The following CARD10 variants were observed in gnomAD, a reference collection of about 807,000 sequenced individuals.
The protein encoded by CARD10 is caspase recruitment domain-containing protein 10.
A neutral mutation model predicts 114.6 loss-of-function variants in CARD10; 49 were observed. The ratio of observed to expected loss-of-function variants is 0.43; its 90% CI spans 0.34 to 0.54. The LOEUF (loss-of-function observed/expected upper bound fraction) is 0.54. Among genes scored for constraint, CARD10 ranks in the 20% least tolerant of loss-of-function variants. The pLI, the probability that CARD10 is intolerant of heterozygous loss-of-function variation, is 0.03. For synonymous variants in CARD10, 602 were observed against 593.2 expected (o/e 1.01, Z -0.21); for missense variants, 1,206 against 1,397.2 (o/e 0.86, Z 2.18).
Position 37,518,958 on chromosome 22 carries a change from C to G in CARD10, c.235+8G>C. On this transcript the variant is annotated splice_region_variant and intron_variant, in intron 1 of 19. Transcript: ENST00000251973. ...CAGGTCGTGGCCCACTCGGGACCCG[C>G]GGCTCACCGGTGCGGTTGACGCGGC... 1 of 1,521,438 alleles carries G rather than the reference C, an allele frequency of 6.6e-7. No individual in the cohort carries two copies. Among genetic ancestry groups the G allele is most frequent in the Non-Finnish European group, 8.8e-7 (1 of 1,134,988 alleles). 94.2% of individuals were successfully genotyped at this position (1,521,438 alleles called of 1,614,324 possible). A position where few individuals can be genotyped will look rare whatever the true frequency, so the allele number is the denominator to read the frequency against.
chr22:37,493,517 C>G (rs1476865797), intron 16 of CARD10, among the ~76,000 whole-genome samples: 1 of 152,186 alleles, frequency 6.6e-6, no homozygotes, highest in Non-Finnish European at 1.5e-5. Context: ...CAATACTCAC[C>G]TGCTGTCCCC....
intron 3 of CARD10, among the ~76,000 whole-genome samples, chr22:37,511,585 C>CA (rs200309568): frequency 0.014 from 2,111 of 149,954 alleles, 61 homozygotes; most frequent in African/African-American, 0.048. Context: ...GTCTCTAGCT[C>CA]AGTGTGACCC....
At position 37,514,793 on chromosome 22, in the gene CARD10, G is replaced by A. The variant is rs1286159658; in HGVS notation, c.699+1180C>T. 3.3e-5 allele frequency: 5 copies of A among 152,472 alleles called. No homozygotes were observed. The South Asian group carries it at 6.2e-4, about 19-fold the overall frequency. 9.4% of individuals were successfully genotyped at this position (152,472 alleles called of 1,614,324 possible). A position where few individuals can be genotyped will look rare whatever the true frequency, so the allele number is the denominator to read the frequency against. On this transcript the variant is annotated intron_variant, in intron 3 of 19. Transcript: ENST00000251973. ...GGAGAGAGCCTCCTGCGTGCCGTGC[G>A]GCCTGCACTGCTAAGCCCTTGACGT...
At chr22:37,502,339 A>G (rs1205388328) in intron 11 of CARD10, among the ~76,000 whole-genome samples, 1 of 152,204 alleles carries the variant, frequency 6.6e-6, no homozygotes, top group African/African-American at 2.4e-5. Context: ...AGAGCCCTCA[A>G]AAGACCTCCA....
chr22:37,512,464 TCC>T (rs1923690287), intron 3 of CARD10, among the ~76,000 whole-genome samples: 3 of 43,148 alleles, frequency 7.0e-5, no homozygotes, highest in Admixed American at 2.4e-4. Context: ...CAGCCCCCCC[TCC>T]ACACACACAC....
At chr22:37,508,018 G>C (rs751086509) in intron 5 of CARD10, 64 bp from the exon 6 acceptor site, 2 of 1,600,068 alleles carry the variant, frequency 1.2e-6, no homozygotes, top group Non-Finnish European at 1.7e-6. Flanking sequence ...CTAACCAGCA[G>C]GTGCCCAGGA....
At chr22:37,503,105 G>A in intron 10 of CARD10, 80 bp downstream of exon 10, 1 of 1,439,472 alleles carries the variant, frequency 6.9e-7, no homozygotes. Context: ...GGTAGCGCAG[G>A]TGGTGCAGGC....
intron 3 of CARD10, among the ~76,000 whole-genome samples, chr22:37,513,084 T>C (rs75020810): frequency 6.6e-6 from 1 of 152,120 alleles, no homozygotes; most frequent in African/African-American, 2.4e-5. Context: ...GGTAAATTTA[T>C]AGTAGCTAAG....
intron 8 of CARD10, 90 bp downstream of exon 8, chr22:37,504,545 G>A (rs1327252297): frequency 6.9e-7 from 1 of 1,454,936 alleles, no homozygotes; most frequent in South Asian, 1.6e-5. Flanking sequence ...GTCCTCACCT[G>A]TGAAATGGAT....
chr22:37,508,946 T>C (rs1317319621), intron 4 of CARD10: 2 of 1,515,954 alleles, frequency 1.3e-6, no homozygotes, highest in Admixed American at 2.0e-5. Flanking sequence ...ACTGGACAAG[T>C]TCACCCAGGA....
intron 7 of CARD10, among the ~76,000 whole-genome samples, 183 bp downstream of exon 7, chr22:37,506,009 C>A (rs541807656): frequency 1.3e-5 from 2 of 152,232 alleles, no homozygotes; most frequent in Non-Finnish European, 2.9e-5. Context: ...GCTCACCAGC[C>A]CACACCCAGC....
In CARD10 at chr22:37,519,258, AGGGCTAGATGTGCGGCCAAGCACCCCCG is replaced by A; in HGVS notation, c.-86_-59del. 1 of 1,442,796 alleles carries A rather than the reference AGGGCTAGATGTGCGGCCAAGCACCCCCG, an allele frequency of 6.9e-7. No individual in the cohort carries two copies. Among genetic ancestry groups the A allele is most frequent in the Non-Finnish European group, 9.1e-7 (1 of 1,099,964 alleles). 89.4% of individuals were successfully genotyped at this position (1,442,796 alleles called of 1,614,324 possible). On this transcript the variant is annotated 5_prime_UTR_variant, in exon 1 of 20. Coordinates refer to ENST00000251973, the MANE Select transcript of CARD10 (RefSeq NM_014550.4). This position sits in a 1 kb window ranked among gnomAD's most constrained non-coding sequence, Gnocchi z 4.1. ...GCACGGGGGTCGACCAGGGCTCCCT[AGGGCTAGATGTGCGGCCAAGCACCCCCG>A]GGGCGTCGTCCGCAGACCCGCCGTC...
chr22:37,495,343 T>A (rs1474318535), intron 15 of CARD10, among the ~76,000 whole-genome samples, 174 bp downstream of exon 15: 1 of 152,198 alleles, frequency 6.6e-6, no homozygotes, highest in Non-Finnish European at 1.5e-5. Context: ...TAAACTACCC[T>A]GGACGGTGAG....
chr22:37,519,281 C>T lies in CARD10; in HGVS notation c.-81G>A, dbSNP rs1247397101. On this transcript the variant is annotated 5_prime_UTR_variant, in exon 1 of 20. The change creates a new upstream start codon in the 5' untranslated region. Transcript: ENST00000251973. This position sits in a 1 kb window ranked among gnomAD's most constrained non-coding sequence, Gnocchi z 4.1. ...CTAGGGCTAGATGTGCGGCCAAGCA[C>T]CCCCGGGGCGTCGTCCGCAGACCCG... The T allele has an allele frequency of 3.7e-6, 5 of 1,368,084 alleles. 1 individual carries two copies. In the South Asian group the frequency reaches 5.1e-5, roughly 14 times the overall value. The allele number at this position is 1,368,084 out of a possible 1,614,324, so 84.7% of individuals were successfully genotyped here.
chr22:37,492,755 C>A lies in CARD10; in HGVS notation c.2524G>T (p.Val842Leu). 6.2e-7 allele frequency: 1 copy of A among 1,612,870 alleles called. No homozygotes were observed. Among genetic ancestry groups the A allele is most frequent in the Non-Finnish European group, 8.5e-7 (1 of 1,179,914 alleles). The change falls in exon 17 of 20, where the codon GTG becomes TTG. Residue 842 changes from valine to leucine, a missense_variant. By Grantham distance (32) the Val-to-Leu change is conservative. Coordinates refer to ENST00000251973, the MANE Select transcript of CARD10 (RefSeq NM_014550.4). This position sits in a 1 kb window ranked among gnomAD's most constrained non-coding sequence, Gnocchi z 5.7. Reference protein sequence around the residue: ...RPYSLVRPLLVSALRPVVLLP... With the variant: ...RPYSLVRPLLLSALRPVVLLP... The stretch of plus-strand genomic sequence containing the variant: ...AGCACCACGGGCCGCAGGGCAGACA[C>A]CAGTAGCGGCCGCACCAAACTGTAG...
At chr22:37,491,937 G>C in intron 18 of CARD10, 70 bp from the exon 19 acceptor site, 2 of 1,058,620 alleles carry the variant, frequency 1.9e-6, no homozygotes. Context: ...GCTGCCCCCA[G>C]ACGGGTCCCC....
chr22:37,513,133 CAG>C (rs1188581386), intron 3 of CARD10, among the ~76,000 whole-genome samples: 1 of 152,082 alleles, frequency 6.6e-6, no homozygotes, highest in Non-Finnish European at 1.5e-5. Context: ...TTTTTTGAGA[CAG>C]AGTCTCGCTG....
chr22:37,498,643 G>C (rs1019732100), intron 11 of CARD10, among the ~76,000 whole-genome samples: 1 of 152,194 alleles, frequency 6.6e-6, no homozygotes, highest in Admixed American at 6.5e-5. Flanking sequence ...AGGCCGAGGG[G>C]CTGGACAGAT....
In CARD10 at chr22:37,502,633, C is replaced by T; in HGVS notation, c.1756G>A (p.Ala586Thr). ...AGGAAGTCCAGGCCACAGCCCCGAG[C>T]CAGGAGGCCTTCCGGCTTTCCCAAA... ...WPLGKPEGLL[A>T]RGCGLDFLNR... The change falls in exon 11 of 20, where the codon GCT (alanine) becomes ACT (threonine). Residue 586 changes from alanine (A) to threonine (T), a missense_variant. Physicochemically the swap from Ala to Thr is moderately conservative, Grantham distance 58. Around this residue, in one of 2 missense-constraint regions of CARD10, gnomAD observed 1,068 missense variants for 1,179.1 expected, o/e 0.91. Transcript: ENST00000251973. 6.2e-7 allele frequency: 1 copy of T among 1,613,918 alleles called. No homozygotes were observed. Among genetic ancestry groups the T allele is most frequent in the Non-Finnish European group, 8.5e-7 (1 of 1,179,946 alleles).
Sources: gnomAD v4.1 joint callset for allele counts (sites outside exome capture counted in the v4.1 genomes callset) on GRCh38, gnomAD v4.1.1 for gene constraint, gnomAD v4.1.1 regional missense constraint, Gnocchi (gnomAD v3.1) non-coding constraint, MANE v1.5 for transcripts, NCBI Gene and HGNC (gene_info 2026-07-23, HGNC 2026-07-21) for gene names.